Variants in RLBP1 observed in about 807,000 individuals in gnomAD.
RLBP1 encodes the protein retinaldehyde-binding protein 1.
A neutral mutation model predicts 36.2 loss-of-function variants in RLBP1; 26 were observed. The observed-to-expected ratio is 0.72, with a 90% CI of 0.53 to 1.00. The LOEUF is 1.00. RLBP1 is among the 50% of genes least tolerant of loss of function. The pLI, the probability that RLBP1 is intolerant of heterozygous loss-of-function variation, is 0.00. For synonymous variants in RLBP1, 155 were observed against 156.2 expected (o/e 0.99, Z 0.06); for missense variants, 410 against 402.4 (o/e 1.02, Z -0.16).
chr15:89,217,067 A>G, intron 5 of RLBP1, 53 bp downstream of exon 5: 2 of 1,579,860 alleles, frequency 1.3e-6, no homozygotes, highest in East Asian at 2.2e-5. Flanking sequence ...AGCGGATAGC[A>G]TCCTCATGGC....
chr15:89,220,654 A>G (rs2051619379), intron 1 of RLBP1, among the ~76,000 whole-genome samples: 1 of 152,164 alleles, frequency 6.6e-6, no homozygotes, highest in Non-Finnish European at 1.5e-5. Context: ...ACAGAGGTAG[A>G]CAGGCTGAAA....
At chr15:89,216,159 G>A (rs1184835899) in intron 5 of RLBP1, among the ~76,000 whole-genome samples, 2 of 152,050 alleles carry the variant, frequency 1.3e-5, no homozygotes, top group African/African-American at 4.8e-5. Context: ...TGCATCCCTT[G>A]GCCTAAAACA....
chr15:89,214,285 A>G lies in RLBP1; in HGVS notation c.525+775T>C, dbSNP rs2051560953. On this transcript the variant is annotated intron_variant, in intron 6 of 8. Transcript: ENST00000268125. The surrounding 1 kb of genome is among the most constrained non-coding windows in gnomAD (Gnocchi z 4.6). ...AGACCAGCCTGGCCAACATGGTGAA[A>G]CCCCGTCTCTACTAAAAATACAAAC... is the stretch of plus-strand genomic sequence containing the variant. 6.6e-6 allele frequency among the ~76,000 whole-genome samples: 1 copy of G among 151,964 alleles called. No homozygotes were observed. The highest frequency in any genetic ancestry group is 2.1e-4 in the South Asian group (1 of 4,812).
chr15:89,218,510 T>C lies in RLBP1; in HGVS notation c.141+55A>G, dbSNP rs2051600495. The C allele has an allele frequency of 6.2e-7, 1 of 1,612,558 alleles. No individual in the cohort carries two copies. Among genetic ancestry groups the C allele is most frequent in the Non-Finnish European group, 8.5e-7 (1 of 1,179,066 alleles). ...TCACAGGAGAGAGAATGCAGTCATG[T>C]TCCCCTCATGTTGCCTCCCTAGGCT... On this transcript the variant is annotated intron_variant, in intron 4 of 8. Coordinates refer to ENST00000268125, the MANE Select transcript of RLBP1 (RefSeq NM_000326.5). This position sits in a 1 kb window ranked among gnomAD's most constrained non-coding sequence, Gnocchi z 4.6.
chr15:89,213,263 G>T (rs1267517195), intron 6 of RLBP1, among the ~76,000 whole-genome samples: 1 of 148,520 alleles, frequency 6.7e-6, no homozygotes, highest in South Asian at 2.1e-4. Context: ...ACTAACCAAT[G>T]CAATCAATTT....
In RLBP1 at chr15:89,215,241, G is replaced by T; in HGVS notation, c.347-3C>A. The T allele has an allele frequency of 6.2e-7, 1 of 1,614,056 alleles. No homozygotes were observed. Among genetic ancestry groups the T allele is most frequent in the Non-Finnish European group, 8.5e-7 (1 of 1,179,972 alleles). ...CTGCAGCCGGAAATTCACATAGCCTGGAGGAAGGAGAGCAGAGGAACCCCC... is the reference window on the plus strand; with the variant it reads ...CTGCAGCCGGAAATTCACATAGCCTTGAGGAAGGAGAGCAGAGGAACCCCC... On this transcript the variant is annotated splice_polypyrimidine_tract_variant and splice_region_variant and intron_variant, in intron 5 of 8. Coordinates refer to ENST00000268125, the MANE Select transcript of RLBP1 (RefSeq NM_000326.5).
In RLBP1 at chr15:89,217,162, C is replaced by A. The variant is rs143121722; in HGVS notation, c.304G>T (p.Ala102Ser). The A allele has an allele frequency of 6.2e-7, 1 of 1,614,086 alleles. No individual in the cohort carries two copies. Among genetic ancestry groups the A allele is most frequent in the Non-Finnish European group, 8.5e-7 (1 of 1,180,034 alleles). ...DSGFFLRFIR[A>S]RKFNVGRAYE... ...GCACGGCCCACGTTGAACTTCCGTG[C>A]GCGGATGAAGCGCAGGAAGAAGCCG... The change falls in exon 5 of 9, where the codon GCA becomes TCA. Residue 102 changes from alanine (A) to serine (S), a missense_variant. Coordinates refer to ENST00000268125, the MANE Select transcript of RLBP1 (RefSeq NM_000326.5).
rs896713967 is a variant in RLBP1, at chr15:89,210,055, G to C, written c.*230C>G. 3.5e-6 allele frequency: 2 copies of C among 577,788 alleles called. No homozygotes were observed. Among genetic ancestry groups the C allele is most frequent in the African/African-American group, 1.9e-5 (1 of 53,656 alleles). The allele number at this position is 577,788 out of a possible 1,614,324, so 35.8% of individuals were successfully genotyped here. On this transcript the variant is annotated 3_prime_UTR_variant, in exon 9 of 9. Transcript: ENST00000268125. The surrounding 1 kb of genome is among the most constrained non-coding windows in gnomAD (Gnocchi z 4.7). ...AAAAATCACTGTCTTAAAGCTTCAAGGGCAGGTGGAAATATAACTATCCCC... is the reference window on the plus strand; with the variant it reads ...AAAAATCACTGTCTTAAAGCTTCAACGGCAGGTGGAAATATAACTATCCCC...
rs2051529725 is a variant in RLBP1, at chr15:89,210,651, C to T, written c.795+48G>A. 1 of 1,401,918 alleles carries T rather than the reference C, an allele frequency of 7.1e-7. No individual in the cohort carries two copies. The highest frequency in any genetic ancestry group is 1.4e-5 in the African/African-American group (1 of 70,224). 86.8% of individuals were successfully genotyped at this position (1,401,918 alleles called of 1,614,324 possible). Reference sequence around the variant, plus strand: ...GTGTGAGGAGGGCTCAGGTGAGGCCCCACCCTCAGCCCTCTTGTCTCATTG... The same window carrying T: ...GTGTGAGGAGGGCTCAGGTGAGGCCTCACCCTCAGCCCTCTTGTCTCATTG... On this transcript the variant is annotated intron_variant, in intron 8 of 8. Coordinates refer to ENST00000268125, the MANE Select transcript of RLBP1 (RefSeq NM_000326.5). This position sits in a 1 kb window ranked among gnomAD's most constrained non-coding sequence, Gnocchi z 4.7.
At position 89,211,177 on chromosome 15, in the gene RLBP1, T is replaced by G. The variant is rs1264712754; in HGVS notation, c.685-368A>C. ...ACTATTACAAACGACAGGAACAGTA[T>G]TATCATCCCTCATTGTCCATCAGCC... On this transcript the variant is annotated intron_variant, in intron 7 of 8. Coordinates refer to ENST00000268125, the MANE Select transcript of RLBP1 (RefSeq NM_000326.5). This position sits in a 1 kb window ranked among gnomAD's most constrained non-coding sequence, Gnocchi z 5.8. Among the ~76,000 whole-genome samples the G allele has an allele frequency of 6.6e-6, 1 of 152,128 alleles. No individual in the cohort carries two copies. The highest frequency in any genetic ancestry group is 1.9e-4 in the East Asian group (1 of 5,188).
rs958526921 is a variant in RLBP1, at chr15:89,213,523, T to A, written c.525+1537A>T. Among the ~76,000 whole-genome samples, 5 of 152,092 alleles carry A rather than the reference T, an allele frequency of 3.3e-5. No homozygotes were observed. In the South Asian group the frequency reaches 1.0e-3, roughly 31 times the overall value. On this transcript the variant is annotated intron_variant, in intron 6 of 8. Transcript: ENST00000268125. ...GAAGAAAGAGCCCCATTTTTAGCAA[T>A]GACAACAAAATTAATACCTAAGACA...
rs1320471247 is a variant in RLBP1, at chr15:89,214,908, G to T, written c.525+152C>A. 2 of 768,446 alleles carry T rather than the reference G, an allele frequency of 2.6e-6. No individual in the cohort carries two copies. The highest frequency in any genetic ancestry group is 1.6e-5 in the South Asian group (1 of 62,420). 47.6% of individuals were successfully genotyped at this position (768,446 alleles called of 1,614,324 possible). On this transcript the variant is annotated intron_variant, in intron 6 of 8. Transcript: ENST00000268125. The surrounding 1 kb of genome is among the most constrained non-coding windows in gnomAD (Gnocchi z 4.6). ...GGCACATCCTAGGAATTCTCTCCCTGCCTGGAAAGGGCTAGGTGGCAGGTG... is the reference window on the plus strand; with the variant it reads ...GGCACATCCTAGGAATTCTCTCCCTTCCTGGAAAGGGCTAGGTGGCAGGTG...
chr15:89,213,683 A>G (rs2150969838), intron 6 of RLBP1, among the ~76,000 whole-genome samples: 1 of 152,354 alleles, frequency 6.6e-6, no homozygotes, highest in East Asian at 1.9e-4. Flanking sequence ...GAAATCTTTA[A>G]AACACTCCTG....
chr15:89,216,953 C>T (rs1477123573), intron 5 of RLBP1, among the ~76,000 whole-genome samples, 167 bp downstream of exon 5: 2 of 152,210 alleles, frequency 1.3e-5, no homozygotes, highest in Non-Finnish European at 2.9e-5. Context: ...TTCATTCGTT[C>T]GCTCATTATC....
chr15:89,216,169 A>C (rs2051577781), intron 5 of RLBP1, among the ~76,000 whole-genome samples: 1 of 152,194 alleles, frequency 6.6e-6, no homozygotes, highest in Non-Finnish European at 1.5e-5. Flanking sequence ...GGCCTAAAAC[A>C]GTTCTTGGCA....
intron 6 of RLBP1, among the ~76,000 whole-genome samples, chr15:89,213,669 T>C (rs1352758198): frequency 3.9e-5 from 6 of 152,206 alleles, no homozygotes; most frequent in Non-Finnish European, 8.8e-5. Flanking sequence ...TCATAGCTTA[T>C]GAAGAAATCT....
chr15:89,215,338 A>C, intron 5 of RLBP1, 100 bp from the exon 6 acceptor site: 3 of 1,177,370 alleles, frequency 2.5e-6, no homozygotes, highest in Non-Finnish European at 2.5e-6. Flanking sequence ...GCCAGGTCCT[A>C]TGTGTGACCG....
chr15:89,215,676 C>T (rs76302789), intron 5 of RLBP1, among the ~76,000 whole-genome samples: 1,977 of 152,278 alleles, frequency 0.013, 45 homozygotes, highest in African/African-American at 0.045. Flanking sequence ...CCAAGCAGGA[C>T]ACAGAGCTCC....
chr15:89,218,600 G>C lies in RLBP1; in HGVS notation c.106C>G (p.Pro36Ala), dbSNP rs544204108. ...GTGTGGCGGGGCAGCTGGCTGCACG[G>C]GCCAAAGACAGGTCCATGGTCCTTG... ...TTKDHGPVFG[P>A]CSQLPRHTLQ... The change falls in exon 4 of 9, where the codon CCG becomes GCG. Residue 36 changes from proline to alanine, a missense_variant. Physicochemically the swap from Pro to Ala is conservative, Grantham distance 27. Coordinates refer to ENST00000268125, the MANE Select transcript of RLBP1 (RefSeq NM_000326.5). The surrounding 1 kb of genome is among the most constrained non-coding windows in gnomAD (Gnocchi z 4.6). 20 of 1,614,212 alleles carry C rather than the reference G, an allele frequency of 1.2e-5. No homozygotes were observed. The South Asian group carries it at 1.9e-4, about 15-fold the overall frequency.
Sources: gnomAD v4.1 joint callset for allele counts (sites outside exome capture counted in the v4.1 genomes callset) on GRCh38, gnomAD v4.1.1 for gene constraint, Gnocchi (gnomAD v3.1) non-coding constraint, MANE v1.5 for transcripts, NCBI Gene and HGNC (gene_info 2026-07-23, HGNC 2026-07-21) for gene names.